LRRC49: variants seen among roughly 807,000 people sequenced by gnomAD.
LRRC49 encodes the protein leucine-rich repeat-containing protein 49.
Under a neutral mutation model 83.3 loss-of-function variants are expected in LRRC49, and 50 were observed. The ratio of observed to expected loss-of-function variants is 0.60; its 90% confidence interval spans 0.48 to 0.76. The LOEUF (loss-of-function observed/expected upper bound fraction) is 0.76. Among genes scored for constraint, LRRC49 ranks in the 30% least tolerant of loss-of-function variants. LRRC49 has a pLI of 0.00. For missense variants in LRRC49, 704 were observed against 809.1 expected (o/e 0.87, Z 1.58); for synonymous variants, 286 against 283.3 (o/e 1.01, Z -0.10).
chr15:70,901,540 G>A (rs964281800), intron 4 of LRRC49, among the ~76,000 whole-genome samples: 1 of 152,012 alleles, frequency 6.6e-6, no homozygotes, highest in African/African-American at 2.4e-5. Flanking sequence ...ATTGCCTTCA[G>A]GTCTTTGCTC....
chr15:70,940,357 T>C (rs574049137), intron 8 of LRRC49, among the ~76,000 whole-genome samples: 35 of 150,630 alleles, frequency 2.3e-4, no homozygotes, highest in South Asian at 8.4e-4. Context: ...CCTGGGTTCA[T>C]GGCATTCTCC....
chr15:70,863,297 T>G (rs2032834853), intron 1 of LRRC49, among the ~76,000 whole-genome samples: 1 of 152,228 alleles, frequency 6.6e-6, no homozygotes, highest in African/African-American at 2.4e-5. Context: ...CCAAGTGGTT[T>G]CCATCAAGCT....
At chr15:70,937,209 G>A (rs1318875946) in intron 8 of LRRC49, among the ~76,000 whole-genome samples, 19 of 152,148 alleles carry the variant, frequency 1.2e-4, no homozygotes. Context: ...TTTTAATACA[G>A]CAGGCTATAT....
At chr15:70,900,867 T>C in intron 3 of LRRC49, 55 bp from the exon 4 acceptor site, 1 of 1,063,034 alleles carries the variant, frequency 9.4e-7, no homozygotes, top group Non-Finnish European at 1.4e-6. Context: ...ATGACTTTAG[T>C]TTCAGACTTC....
chr15:71,049,278 TC>T, intron 15 of LRRC49, 130 bp from the exon 16 acceptor site: 1 of 632,412 alleles, frequency 1.6e-6, no homozygotes. Context: ...GAATTCCTGC[TC>T]TGAGGAGTAG....
At chr15:71,000,536 T>A (rs2038220346) in intron 11 of LRRC49, among the ~76,000 whole-genome samples, 1 of 152,186 alleles carries the variant, frequency 6.6e-6, no homozygotes, top group Non-Finnish European at 1.5e-5. Context: ...CCAAGAATAG[T>A]CATAGCATCA....
intron 7 of LRRC49, among the ~76,000 whole-genome samples, chr15:70,934,139 A>G (rs2035515793): frequency 6.6e-6 from 1 of 152,146 alleles, no homozygotes; most frequent in Non-Finnish European, 1.5e-5. Flanking sequence ...TGAATCTTAT[A>G]TATATCCCAT....
chr15:70,854,107 G>GCC, intron 1 of LRRC49: 2 of 1,245,944 alleles, frequency 1.6e-6, no homozygotes, highest in Non-Finnish European at 2.0e-6. Flanking sequence ...GGACTGCGGC[G>GCC]CCGCCGGGGT....
chr15:70,987,016 G>A (rs1013855389), intron 11 of LRRC49, among the ~76,000 whole-genome samples: 1 of 152,168 alleles, frequency 6.6e-6, no homozygotes. Context: ...GCTTTTTGAT[G>A]TGCTGCTGGA....
intron 14 of LRRC49, among the ~76,000 whole-genome samples, chr15:71,024,370 G>A (rs1425829081): frequency 6.6e-6 from 1 of 152,150 alleles, no homozygotes; most frequent in Non-Finnish European, 1.5e-5. Context: ...GCATCAGATT[G>A]GTGCCCTTCT....
intron 11 of LRRC49, among the ~76,000 whole-genome samples, chr15:70,987,432 T>G (rs2141232645): frequency 6.6e-6 from 1 of 152,368 alleles, no homozygotes; most frequent in African/African-American, 2.4e-5. Flanking sequence ...TAGAGGTGTT[T>G]GTAGTATTCT....
intron 1 of LRRC49, chr15:70,854,241 C>T (rs2032588266): frequency 1.2e-5 from 3 of 252,356 alleles, no homozygotes; most frequent in South Asian, 2.6e-4. Context: ...CGCCCCGCGC[C>T]GCCGCCGCCG....
At chr15:70,878,300 T>C (rs965582210) in intron 2 of LRRC49, among the ~76,000 whole-genome samples, 2 of 152,232 alleles carry the variant, frequency 1.3e-5, no homozygotes, top group African/African-American at 4.8e-5. Context: ...ACTGATTTAT[T>C]GGTTCTAGTA....
chr15:70,856,732 C>T (rs1434625503), intron 1 of LRRC49, among the ~76,000 whole-genome samples: 3 of 152,110 alleles, frequency 2.0e-5, no homozygotes, highest in Non-Finnish European at 4.4e-5. Flanking sequence ...GAGAGTGAGT[C>T]CCAGTGAGGC....
chr15:70,879,905 TA>T (rs897956480), intron 2 of LRRC49, among the ~76,000 whole-genome samples: 70 of 152,284 alleles, frequency 4.6e-4, no homozygotes, highest in African/African-American at 1.6e-3. Context: ...GGCAGATAAT[TA>T]AACCAATCAT....
chr15:71,007,052 C>G (rs2141259213), intron 11 of LRRC49, among the ~76,000 whole-genome samples: 2 of 151,998 alleles, frequency 1.3e-5, no homozygotes, highest in South Asian at 4.2e-4. Context: ...AAGTGCTAGT[C>G]TGGTAGAAAT....
At chr15:70,964,409 G>C (rs1232783048) in intron 9 of LRRC49, among the ~76,000 whole-genome samples, 1 of 152,102 alleles carries the variant, frequency 6.6e-6, no homozygotes, top group African/African-American at 2.4e-5. Flanking sequence ...TCGCGAAGAT[G>C]AAATAAAGTA....
chr15:70,921,640 C>T (rs530865123), intron 7 of LRRC49, among the ~76,000 whole-genome samples: 3 of 152,332 alleles, frequency 2.0e-5, no homozygotes, highest in African/African-American at 7.2e-5. Flanking sequence ...TGCAGCATCT[C>T]TCTTGCAGTT....
chr15:70,979,322 T>C (rs745318927), intron 9 of LRRC49, among the ~76,000 whole-genome samples: 18 of 152,162 alleles, frequency 1.2e-4, no homozygotes, highest in Non-Finnish European at 2.5e-4. Flanking sequence ...ATTTCTACTT[T>C]TTCCAGCTTT....
Sources: gnomAD v4.1 joint callset for allele counts (sites outside exome capture counted in the v4.1 genomes callset) on GRCh38, gnomAD v4.1.1 for gene constraint, MANE v1.5 for transcripts, NCBI Gene and HGNC (gene_info 2026-07-23, HGNC 2026-07-21) for gene names.